The following LETM1 variants were observed in gnomAD, a reference collection of about 807,000 sequenced individuals.
LETM1 encodes leucine zipper and EF-hand containing transmembrane protein 1, also known as mitochondrial proton/calcium exchanger protein.
A neutral mutation model predicts 74.5 loss-of-function variants in LETM1; 50 were observed. The ratio of observed to expected loss-of-function variants is 0.67; its 90% CI spans 0.53 to 0.85. LETM1 has a LOEUF of 0.85. Ranked by LOEUF, LETM1 falls within the 40% of genes least tolerant of loss-of-function variation. The pLI is 0.00. For missense variants in LETM1, 824 were observed against 967.8 expected (o/e 0.85, Z 1.97); for synonymous variants, 446 against 407.1 (o/e 1.10, Z -1.15).
rs1712481365 is a variant in LETM1 at position 1,836,976 on chromosome 4, T to C, written c.595-404A>G. Among the ~76,000 whole-genome samples, 1 of 152,204 alleles carries C rather than the reference T, an allele frequency of 6.6e-6. No homozygotes were observed. Among genetic ancestry groups the C allele is most frequent in the South Asian group, 2.1e-4 (1 of 4,836 alleles). Reference sequence around the variant, plus strand: ...CCACACCTTCTCTTGGAGGGTGCTCTATAAGGAGGGCTTCTCTTGTGTTTC... The same window carrying C: ...CCACACCTTCTCTTGGAGGGTGCTCCATAAGGAGGGCTTCTCTTGTGTTTC... On this transcript the variant is annotated intron_variant, in intron 3 of 13. Transcript: ENST00000302787. This position sits in a 1 kb window ranked among gnomAD's most constrained non-coding sequence, Gnocchi z 5.8.
chr4:1,847,980 G>A (rs926614375), intron 2 of LETM1, among the ~76,000 whole-genome samples: 9 of 150,942 alleles, frequency 6.0e-5, no homozygotes, highest in Non-Finnish European at 1.0e-4. Context: ...TGGTGACAGC[G>A]CGAGACTCTG....
intron 9 of LETM1, chr4:1,822,785 T>C (rs1429114348): frequency 7.0e-6 from 3 of 428,804 alleles, no homozygotes; most frequent in African/African-American, 6.1e-5. Flanking sequence ...AGCACCACTG[T>C]GGCCATCGGG....
chr4:1,817,306 C>A (rs1341891988), intron 11 of LETM1, among the ~76,000 whole-genome samples: 1 of 148,622 alleles, frequency 6.7e-6, no homozygotes. Flanking sequence ...CCTGTAATCC[C>A]AGAACTTTGG....
At chr4:1,835,929 T>C (rs971429741) in intron 4 of LETM1, among the ~76,000 whole-genome samples, 6 of 152,048 alleles carry the variant, frequency 3.9e-5, no homozygotes, top group African/African-American at 1.4e-4. Flanking sequence ...AAAAAAAAAT[T>C]AGTCAGATGT....
At position 1,834,265 on chromosome 4, in the gene LETM1, A is replaced by G. The variant is rs1237427709; in HGVS notation, c.876+580T>C. On this transcript the variant is annotated intron_variant, in intron 5 of 13. Coordinates refer to ENST00000302787, the MANE Select transcript of LETM1 (RefSeq NM_012318.3). The surrounding 1 kb of genome is among the most constrained non-coding windows in gnomAD (Gnocchi z 5.0). ...CTTCAGACACATCCTTCTCACTCCA[A>G]AGTGGCACAAGTCCCTCAAGCCAAC... 1 of 382,666 alleles carries G rather than the reference A, an allele frequency of 2.6e-6. No individual in the cohort carries two copies. The highest frequency in any genetic ancestry group is 6.4e-5 in the Admixed American group (1 of 15,534). The allele number at this position is 382,666 out of a possible 1,614,324, so 23.7% of individuals were successfully genotyped here. A position where few individuals can be genotyped will look rare whatever the true frequency, so the allele number is the denominator to read the frequency against.
chr4:1,823,586 A>G lies in LETM1; in HGVS notation c.1332+58T>C, dbSNP rs535111796. On this transcript the variant is annotated intron_variant, in intron 8 of 13. Coordinates refer to ENST00000302787, the MANE Select transcript of LETM1 (RefSeq NM_012318.3). The stretch of plus-strand genomic sequence containing the variant: ...GCGCTTGCACACCTCCCCCCACCCC[A>G]GAAGAGCGGAGCCACCTATGAAGAG... 5.1e-4 allele frequency: 816 copies of G among 1,604,982 alleles called. 13 individuals are homozygous for G. In the South Asian group the frequency reaches 8.6e-3, roughly 17 times the overall value.
intron 2 of LETM1, among the ~76,000 whole-genome samples, chr4:1,844,922 T>C (rs1712827196): frequency 6.9e-6 from 1 of 144,406 alleles, no homozygotes; most frequent in Non-Finnish European, 1.5e-5. Flanking sequence ...CCAGGCACAG[T>C]GGCTCACGCC....
At chr4:1,839,922 A>G (rs1464844424) in intron 3 of LETM1, among the ~76,000 whole-genome samples, 3 of 152,164 alleles carry the variant, frequency 2.0e-5, no homozygotes, top group Non-Finnish European at 2.9e-5. Context: ...CATCCTTTGC[A>G]CTATGCTTTA....
intron 9 of LETM1, 142 bp from the exon 10 acceptor site, chr4:1,822,454 G>A: frequency 3.0e-6 from 3 of 986,882 alleles, no homozygotes; most frequent in Middle Eastern, 2.4e-4. Flanking sequence ...TGCCACAGAA[G>A]GTCCCTAGGG....
chr4:1,829,088 G>A (rs1216088750), intron 6 of LETM1, among the ~76,000 whole-genome samples: 1 of 117,204 alleles, frequency 8.5e-6, no homozygotes, highest in East Asian at 2.9e-4. Context: ...CGGGCAGAGG[G>A]GCTCCTCACT....
chr4:1,819,522 G>A (rs1350157696), intron 10 of LETM1, 50 bp from the exon 11 acceptor site: 3 of 1,576,626 alleles, frequency 1.9e-6, no homozygotes, highest in Admixed American at 1.8e-5. Flanking sequence ...GGAAAGAACT[G>A]GCCTGTTCCC....
chr4:1,849,325 C>G (rs768958502), intron 1 of LETM1, 116 bp from the exon 2 acceptor site: 12 of 713,862 alleles, frequency 1.7e-5, no homozygotes, highest in Non-Finnish European at 2.8e-5. Flanking sequence ...AGTGCAATGG[C>G]GTGATCTCGG....
chr4:1,827,068 G>A (rs564159152), intron 6 of LETM1, among the ~76,000 whole-genome samples: 2 of 152,252 alleles, frequency 1.3e-5, no homozygotes, highest in South Asian at 2.1e-4. Context: ...TCGCCATGCC[G>A]ACCCTCGCTC....
At position 1,827,521 on chromosome 4, in the gene LETM1, T is replaced by C. The variant is rs1433846872; in HGVS notation, c.1081-1838A>G. On this transcript the variant is annotated intron_variant, in intron 6 of 13. Transcript: ENST00000302787. ...GAGCATGCTGCCTTCAAGCATCTGT[T>C]TAACAAAGCACATCTTGCACCGCCC... 6.5e-5 allele frequency among the ~76,000 whole-genome samples: 7 copies of C among 106,950 alleles called. No individual in the cohort carries two copies. In the East Asian group the frequency reaches 1.7e-3, roughly 26 times the overall value. 70.2% of individuals were successfully genotyped at this position (106,950 alleles called of 152,430 possible).
At chr4:1,840,415 C>A (rs1274556704) in intron 3 of LETM1, among the ~76,000 whole-genome samples, 2 of 151,748 alleles carry the variant, frequency 1.3e-5, no homozygotes, top group South Asian at 4.2e-4. Context: ...CGCCTGTAAT[C>A]CCAGCACTTT....
chr4:1,829,862 AAAC>A (rs542709275), intron 6 of LETM1, among the ~76,000 whole-genome samples: 88 of 152,262 alleles, frequency 5.8e-4, no homozygotes, highest in Non-Finnish European at 9.9e-4. Context: ...TTCATAAATG[AAAC>A]AACGACACAC....
At chr4:1,831,485 A>G (rs1323639735) in intron 6 of LETM1, among the ~76,000 whole-genome samples, 1 of 152,244 alleles carries the variant, frequency 6.6e-6, no homozygotes, top group African/African-American at 2.4e-5. Flanking sequence ...CCTGCTGGGC[A>G]GTGGTCAAAG....
intron 2 of LETM1, chr4:1,843,029 A>T (rs1712758144): frequency 2.6e-6 from 1 of 379,468 alleles, no homozygotes; most frequent in Non-Finnish European, 5.3e-6. Flanking sequence ...TGTGTCGCAT[A>T]ACTTCACATC....
Position 1,832,931 on chromosome 4 carries a change from T to C in LETM1, c.893A>G (p.Glu298Gly). The part of the protein sequence containing the change: ...VFFQKIRETG[E>G]RPSNEEIMRF... Reference sequence around the variant, plus strand: ...CATGATTTCCTCATTGCTGGGCCTCTCCCCTGTTTCCCGGATCTGCGGAAG... The same window carrying C: ...CATGATTTCCTCATTGCTGGGCCTCCCCCCTGTTTCCCGGATCTGCGGAAG... Residue 298 changes from glutamate (E) to glycine (G), a missense_variant, in exon 6 of 14, where the codon GAG (glutamate) becomes GGG (glycine). Glu to Gly is a moderately conservative substitution (Grantham distance 98, BLOSUM62 -2). Around this residue, in one of 4 missense-constraint regions of LETM1, gnomAD observed 269 missense variants for 348.8 expected, o/e 0.77. Coordinates refer to ENST00000302787, the MANE Select transcript of LETM1 (RefSeq NM_012318.3). 1 of 1,612,190 alleles carries C rather than the reference T, an allele frequency of 6.2e-7. No homozygotes were observed. Among genetic ancestry groups the C allele is most frequent in the Non-Finnish European group, 8.5e-7 (1 of 1,179,930 alleles).
Sources: allele counts gnomAD v4.1 joint callset (sites outside exome capture counted in the v4.1 genomes callset), GRCh38; gene constraint gnomAD v4.1.1; regional missense constraint gnomAD v4.1.1; non-coding constraint Gnocchi (gnomAD v3.1); transcripts MANE v1.5; gene names NCBI Gene and HGNC (gene_info 2026-07-23, HGNC 2026-07-21).